NLGN1: variants seen among roughly 807,000 people sequenced by gnomAD.
The protein encoded by NLGN1 is neuroligin 1, also known as neuroligin-1.
NLGN1 carries 12 observed loss-of-function variants against 65.5 expected under a neutral mutation model. The ratio of observed to expected loss-of-function variants is 0.18; its 90% CI spans 0.12 to 0.30. NLGN1 has a LOEUF of 0.30. NLGN1 is among the 10% of genes least tolerant of loss of function. NLGN1 has a pLI of 1.00. For synonymous variants in NLGN1, 350 were observed against 359.5 expected (o/e 0.97, Z 0.30); for missense variants, 750 against 1,007.1 (o/e 0.74, Z 3.46).
chr3:173,405,714 G>A (rs1718507709), intron 1 of NLGN1, among the ~76,000 whole-genome samples: 1 of 151,858 alleles, frequency 6.6e-6, no homozygotes, highest in Admixed American at 6.6e-5. Context: ...AATAATAGTA[G>A]GATGAAAACA....
At chr3:173,480,608 G>T (rs1178998310) in intron 2 of NLGN1, among the ~76,000 whole-genome samples, 1 of 151,930 alleles carries the variant, frequency 6.6e-6, no homozygotes, top group Non-Finnish European at 1.5e-5. Flanking sequence ...GACATCAACA[G>T]GATTTAGTCT....
At chr3:173,423,591 A>G (rs1001027913) in intron 1 of NLGN1, among the ~76,000 whole-genome samples, 3 of 152,192 alleles carry the variant, frequency 2.0e-5, no homozygotes, top group Admixed American at 2.0e-4. Context: ...CAGCAGGGTA[A>G]CCATTAAATC....
chr3:174,102,799 G>A (rs185128169), intron 4 of NLGN1, among the ~76,000 whole-genome samples: 2 of 152,084 alleles, frequency 1.3e-5, no homozygotes, highest in African/African-American at 4.8e-5. Flanking sequence ...ATTTGAGGAT[G>A]GAAAATCAAT....
chr3:173,416,143 A>G (rs1713749744), intron 1 of NLGN1, among the ~76,000 whole-genome samples: 1 of 152,098 alleles, frequency 6.6e-6, no homozygotes, highest in South Asian at 2.1e-4. Context: ...ATACTTGTTG[A>G]CATATAGATG....
At chr3:173,930,138 G>C (rs767821345) in intron 4 of NLGN1, among the ~76,000 whole-genome samples, 1 of 152,178 alleles carries the variant, frequency 6.6e-6, no homozygotes, top group Non-Finnish European at 1.5e-5. Context: ...ATCTCCACTT[G>C]ATGCTTTTAT....
intron 4 of NLGN1, among the ~76,000 whole-genome samples, chr3:173,930,421 T>A (rs1305690536): frequency 6.6e-6 from 1 of 152,128 alleles, no homozygotes; most frequent in African/African-American, 2.4e-5. Context: ...AATGTAAAAC[T>A]GCAGCCCGCT....
intron 4 of NLGN1, among the ~76,000 whole-genome samples, chr3:174,107,013 C>G (rs1034645585): frequency 0.016 from 1,562 of 99,716 alleles, 15 homozygotes; most frequent in Non-Finnish European, 0.022. Flanking sequence ...CACACACACA[C>G]ACACAGAGAG....
chr3:173,417,283 T>C (rs1713997355), intron 1 of NLGN1, among the ~76,000 whole-genome samples: 2 of 152,072 alleles, frequency 1.3e-5, no homozygotes, highest in South Asian at 4.1e-4. Flanking sequence ...ACATAAATTT[T>C]CTGATTATCT....
intron 4 of NLGN1, among the ~76,000 whole-genome samples, chr3:174,080,475 G>A (rs1390493573): frequency 1.3e-5 from 2 of 152,152 alleles, no homozygotes; most frequent in Non-Finnish European, 2.9e-5. Flanking sequence ...TTTGACTTGG[G>A]GCTTTGTATG....
intron 3 of NLGN1, among the ~76,000 whole-genome samples, chr3:173,791,414 A>G (rs1712706258): frequency 6.6e-6 from 1 of 152,086 alleles, no homozygotes; most frequent in African/African-American, 2.4e-5. Context: ...ATTTAATGAT[A>G]TCCACTACTG....
chr3:173,853,096 G>C (rs1012221522), intron 4 of NLGN1, among the ~76,000 whole-genome samples: 4 of 152,118 alleles, frequency 2.6e-5, no homozygotes, highest in African/African-American at 9.7e-5. Context: ...CTGTCTTTAA[G>C]ACATCAACAT....
chr3:173,424,236 C>T (rs1437494667), intron 1 of NLGN1, among the ~76,000 whole-genome samples: 1 of 152,152 alleles, frequency 6.6e-6, no homozygotes, highest in Non-Finnish European at 1.5e-5. Context: ...TTTTTCCCTC[C>T]TAGGCCTCTG....
chr3:174,152,373 G>T (rs1724535914), intron 4 of NLGN1, among the ~76,000 whole-genome samples: 2 of 151,880 alleles, frequency 1.3e-5, no homozygotes, highest in Admixed American at 1.3e-4. Flanking sequence ...TAATGTCAAA[G>T]AAATATTTAA....
intron 4 of NLGN1, among the ~76,000 whole-genome samples, chr3:173,917,061 A>G (rs569683289): frequency 3.9e-5 from 6 of 152,210 alleles, no homozygotes; most frequent in Non-Finnish European, 7.4e-5. Flanking sequence ...GAAGGCACAC[A>G]TTGCTTAAAA....
At chr3:173,925,594 A>G (rs542889812) in intron 4 of NLGN1, among the ~76,000 whole-genome samples, 1 of 152,298 alleles carries the variant, frequency 6.6e-6, no homozygotes, top group Admixed American at 6.5e-5. Flanking sequence ...ATACAATCCA[A>G]TTGCTGGGTG....
chr3:173,604,442 G>C, exon 3 of NLGN1: 1 of 728,820 alleles, frequency 1.4e-6, no homozygotes, highest in East Asian at 2.5e-5. Flanking sequence ...GAAATCAATG[G>C]GAGATATCTG....
chr3:174,096,832 A>T (rs1745618922), intron 4 of NLGN1, among the ~76,000 whole-genome samples: 1 of 152,176 alleles, frequency 6.6e-6, no homozygotes, highest in South Asian at 2.1e-4. Context: ...GAACGTGTAG[A>T]AACCATGACA....
At chr3:173,748,072 C>T (rs35804893) in intron 3 of NLGN1, among the ~76,000 whole-genome samples, 33,544 of 151,618 alleles carry the variant, frequency 0.22, 3,779 homozygotes, top group Admixed American at 0.25. Flanking sequence ...AGTGCTGGGA[C>T]TATAGGCATG....
At chr3:173,731,138 T>G (rs1413066433) in intron 3 of NLGN1, among the ~76,000 whole-genome samples, 2 of 152,016 alleles carry the variant, frequency 1.3e-5, no homozygotes, top group Non-Finnish European at 2.9e-5. Context: ...AGGGAAAAAT[T>G]TAGTACTATT....
Sources: gnomAD v4.1 joint callset for allele counts (sites outside exome capture counted in the v4.1 genomes callset) on GRCh38, gnomAD v4.1.1 for gene constraint, MANE v1.5 for transcripts, NCBI Gene and HGNC (gene_info 2026-07-23, HGNC 2026-07-21) for gene names.